TRAF5: variants seen among roughly 807,000 people sequenced by gnomAD.
TRAF5 encodes TNF receptor associated factor 5, also known as TNF receptor-associated factor 5.
In TRAF5, 48 loss-of-function variants were observed where a neutral mutation model predicts 64.5. That is an observed-to-expected ratio of 0.74 (90% confidence interval 0.59 to 0.95). The LOEUF (loss-of-function observed/expected upper bound fraction) is 0.95. Among genes scored for constraint, TRAF5 ranks in the 40% least tolerant of loss-of-function variants. TRAF5 has a pLI of 0.00. For missense variants in TRAF5, 545 were observed against 662.8 expected (o/e 0.82, Z 1.95); for synonymous variants, 206 against 240.5 (o/e 0.86, Z 1.33).
chr1:211,352,492 G>A (rs1441851862), intron 1 of TRAF5, among the ~76,000 whole-genome samples: 3 of 149,016 alleles, frequency 2.0e-5, no homozygotes, highest in Non-Finnish European at 4.4e-5. Flanking sequence ...GGCCTGGTGT[G>A]GTGGTGTGTG....
At chr1:211,334,312 T>G (rs929924362) in intron 1 of TRAF5, among the ~76,000 whole-genome samples, 2 of 152,174 alleles carry the variant, frequency 1.3e-5, no homozygotes, top group Non-Finnish European at 1.5e-5. Flanking sequence ...GTAGATACCT[T>G]CATCTAGCAC....
At chr1:211,337,458 C>T (rs75131925) in intron 1 of TRAF5, among the ~76,000 whole-genome samples, 2,921 of 152,228 alleles carry the variant, frequency 0.019, 85 homozygotes, top group African/African-American at 0.067. Flanking sequence ...AAACGAAGGG[C>T]CCTGACCTCT....
At chr1:211,332,753 T>C (rs1028954449) in intron 1 of TRAF5, among the ~76,000 whole-genome samples, 2 of 152,148 alleles carry the variant, frequency 1.3e-5, no homozygotes, top group African/African-American at 2.4e-5. Flanking sequence ...AGGGGGAATA[T>C]TGGACTTGAG....
At chr1:211,357,883 A>T (rs1249737038) in intron 4 of TRAF5, 1 of 152,250 alleles carries the variant, frequency 6.6e-6, no homozygotes, top group African/African-American at 2.4e-5. Context: ...AAAGAGCCAG[A>T]TAGTAACTAT....
chr1:211,367,299 T>TA (rs1156573086), intron 8 of TRAF5, among the ~76,000 whole-genome samples: 1 of 152,200 alleles, frequency 6.6e-6, no homozygotes, highest in African/African-American at 2.4e-5. Context: ...TGGCAATTGA[T>TA]AAGAGTGAAG....
At chr1:211,366,337 G>A (rs570641582) in intron 8 of TRAF5, among the ~76,000 whole-genome samples, 6 of 152,270 alleles carry the variant, frequency 3.9e-5, no homozygotes, top group South Asian at 4.1e-4. Context: ...CCTAGTAACC[G>A]TTCCCAAGTT....
At chr1:211,328,377 C>T (rs773380524) in intron 1 of TRAF5, among the ~76,000 whole-genome samples, 2 of 152,166 alleles carry the variant, frequency 1.3e-5, no homozygotes, top group African/African-American at 4.8e-5. Context: ...ATCCCTGGCT[C>T]CTGGACAGAG....
chr1:211,328,652 C>T lies in TRAF5; in HGVS notation c.-2+1763C>T, dbSNP rs536853374. On this transcript the variant is annotated intron_variant, in intron 1 of 10. Coordinates refer to ENST00000261464, the MANE Select transcript of TRAF5 (RefSeq NM_001033910.3). Reference sequence around the variant, plus strand: ...TTTGCACAGTCGGGGAGCTAGATGCCTCAGAGTCAGTCTTGTTAGGCTTGC... The same window carrying T: ...TTTGCACAGTCGGGGAGCTAGATGCTTCAGAGTCAGTCTTGTTAGGCTTGC... Among the ~76,000 whole-genome samples, 94 of 152,286 alleles carry T rather than the reference C, an allele frequency of 6.2e-4. 1 individual carries two copies. The highest frequency in any genetic ancestry group is 2.2e-3 in the African/African-American group (90 of 41,540).
chr1:211,371,598 G>A lies in TRAF5; in HGVS notation c.1099+128G>A, dbSNP rs956417198. ...TAAACAATGGCTGAATCTGCTATTT[G>A]TGAAAGAGAATGGTAAGATTCTGGC... On this transcript the variant is annotated intron_variant, in intron 10 of 10. Coordinates refer to ENST00000261464, the MANE Select transcript of TRAF5 (RefSeq NM_001033910.3). The A allele has an allele frequency of 1.9e-5, 19 of 1,005,010 alleles. No individual in the cohort carries two copies. The African/African-American group carries it at 2.4e-4, about 13-fold the overall frequency. The allele number at this position is 1,005,010 out of a possible 1,614,324, so 62.3% of individuals were successfully genotyped here.
Position 211,330,723 on chromosome 1 carries a change from C to T in TRAF5, c.-2+3834C>T, listed in dbSNP as rs114111468. Among the ~76,000 whole-genome samples the T allele has an allele frequency of 1.2e-3, 176 of 152,292 alleles. 1 individual carries two copies. The highest frequency in any genetic ancestry group is 3.8e-3 in the African/African-American group (156 of 41,556). On this transcript the variant is annotated intron_variant, in intron 1 of 10. Coordinates refer to ENST00000261464, the MANE Select transcript of TRAF5 (RefSeq NM_001033910.3). ...TCAGTCACCAGCCCATACCAGCCCACGCTGCAGCTATTACTTATCTCCTTG... is the reference window on the plus strand; with the variant it reads ...TCAGTCACCAGCCCATACCAGCCCATGCTGCAGCTATTACTTATCTCCTTG...
chr1:211,341,663 G>T (rs1428053908), intron 1 of TRAF5, among the ~76,000 whole-genome samples: 1 of 152,148 alleles, frequency 6.6e-6, no homozygotes, highest in African/African-American at 2.4e-5. Flanking sequence ...GAATGGGAAG[G>T]AGAGAGGGGA....
intron 1 of TRAF5, among the ~76,000 whole-genome samples, chr1:211,344,267 G>A (rs1457642781): frequency 6.6e-6 from 1 of 152,202 alleles, no homozygotes; most frequent in Non-Finnish European, 1.5e-5. Flanking sequence ...GGAGAATGGG[G>A]AACCAGAGGT....
chr1:211,371,331 T>G lies in TRAF5; in HGVS notation c.960T>G (p.Ala320=). ...QVFASHIDKS[A]WLEAQVHQLL... ...TTGCCAGTCACATTGACAAGTCAGC[T>G]TGGCTAGAAGCTCAAGTGCATCAAT... Residue 320 remains alanine (A), a synonymous_variant, in exon 10 of 11, where the codon GCT becomes GCG. Coordinates refer to ENST00000261464, the MANE Select transcript of TRAF5 (RefSeq NM_001033910.3). The G allele has an allele frequency of 6.2e-7, 1 of 1,600,468 alleles. No individual in the cohort carries two copies. Among genetic ancestry groups the G allele is most frequent in the Non-Finnish European group, 8.5e-7 (1 of 1,177,290 alleles).
chr1:211,369,640 C>T lies in TRAF5; in HGVS notation c.930+48C>T, dbSNP rs1310792478. The T allele has an allele frequency of 3.4e-6, 5 of 1,488,292 alleles. No individual in the cohort carries two copies. In the African/African-American group the frequency reaches 4.3e-5, roughly 13 times the overall value. 92.2% of individuals were successfully genotyped at this position (1,488,292 alleles called of 1,614,324 possible). A position where few individuals can be genotyped will look rare whatever the true frequency, so the allele number is the denominator to read the frequency against. ...AAAGCCAAGATTTGGCTTTCAATTG[C>T]AGTGAGAGTTTTTCTTTTAACTTCT... On this transcript the variant is annotated intron_variant, in intron 9 of 10. Transcript: ENST00000261464.
chr1:211,339,469 CACTGTGAA>C (rs1558132916), intron 1 of TRAF5, among the ~76,000 whole-genome samples: 1 of 152,192 alleles, frequency 6.6e-6, no homozygotes, highest in African/African-American at 2.4e-5. Context: ...TGGTAAGTTT[CACTGTGAA>C]ACAGTGAAAC....
chr1:211,356,552 C>A, intron 4 of TRAF5, 84 bp downstream of exon 4: 2 of 1,202,666 alleles, frequency 1.7e-6, no homozygotes, highest in Non-Finnish European at 2.4e-6. Flanking sequence ...AGTTACTGAG[C>A]TAAGCATGGT....
At chr1:211,363,506 C>T (rs1703251677) in intron 7 of TRAF5, among the ~76,000 whole-genome samples, 1 of 152,002 alleles carries the variant, frequency 6.6e-6, no homozygotes, top group African/African-American at 2.4e-5. Context: ...ACAGAAGAGG[C>T]CTTTTACTTT....
intron 1 of TRAF5, among the ~76,000 whole-genome samples, chr1:211,348,308 A>G (rs1702675278): frequency 6.6e-6 from 1 of 152,180 alleles, no homozygotes; most frequent in African/African-American, 2.4e-5. Context: ...TTGTATTAAC[A>G]TATAATTGGC....
chr1:211,367,129 G>A (rs1558147837), intron 8 of TRAF5, among the ~76,000 whole-genome samples: 1 of 152,116 alleles, frequency 6.6e-6, no homozygotes, highest in Non-Finnish European at 1.5e-5. Context: ...CTATAGGTGT[G>A]CACCACCACA....
Sources: allele counts gnomAD v4.1 joint callset (sites outside exome capture counted in the v4.1 genomes callset), GRCh38; gene constraint gnomAD v4.1.1; transcripts MANE v1.5; gene names NCBI Gene and HGNC (gene_info 2026-07-23, HGNC 2026-07-21).